The following GDA variants were observed in gnomAD, a reference collection of about 807,000 sequenced individuals.
GDA encodes the protein cytoplasmic PSD-95 interactor.
GDA carries 18 observed loss-of-function variants against 59.6 expected under a neutral mutation model. That is an observed-to-expected ratio of 0.30 (90% CI 0.21 to 0.45). The LOEUF is 0.45. Among genes scored for constraint, GDA ranks in the 20% least tolerant of loss-of-function variants. GDA has a pLI of 1.00. For synonymous variants in GDA, 201 were observed against 201.1 expected (o/e 1.00, Z 0.00); for missense variants, 427 against 552.3 (o/e 0.77, Z 2.27).
intron 7 of GDA, among the ~76,000 whole-genome samples, chr9:72,224,917 A>C (rs1312159717): frequency 6.7e-6 from 1 of 149,690 alleles, no homozygotes; most frequent in Non-Finnish European, 1.5e-5. Context: ...AGCTCTCTTT[A>C]CTCAAATTCC....
In GDA at chr9:72,248,491, A is replaced by G; in HGVS notation, c.*149A>G. The G allele has an allele frequency of 6.9e-7, 1 of 1,447,276 alleles. No individual in the cohort carries two copies. The highest frequency in any genetic ancestry group is 2.5e-5 in the East Asian group (1 of 39,850). The allele number at this position is 1,447,276 out of a possible 1,614,324, so 89.7% of individuals were successfully genotyped here. A position where few individuals can be genotyped will look rare whatever the true frequency, so the allele number is the denominator to read the frequency against. On this transcript the variant is annotated 3_prime_UTR_variant, in exon 14 of 14. Transcript: ENST00000358399. ...TCTAGTTACAGTATTCACTTGACAA[A>G]TAGTTCGAAGGAAGTTGCACTAATT...
intron 3 of GDA, among the ~76,000 whole-genome samples, chr9:72,207,317 C>G (rs890222388): frequency 1.3e-5 from 2 of 152,082 alleles, no homozygotes; most frequent in African/African-American, 4.8e-5. Flanking sequence ...ATTGAAACTT[C>G]TGTTCTGTTT....
At chr9:72,179,619 C>G (rs745405010) in intron 1 of GDA, among the ~76,000 whole-genome samples, 3 of 152,178 alleles carry the variant, frequency 2.0e-5, no homozygotes, top group Non-Finnish European at 2.9e-5. Flanking sequence ...TATGACCCTC[C>G]TCCTATAGGG....
chr9:72,200,029 G>C (rs1175090027), intron 2 of GDA, among the ~76,000 whole-genome samples: 1 of 128,090 alleles, frequency 7.8e-6, no homozygotes, highest in Non-Finnish European at 1.6e-5. Context: ...ATGGAGTCTC[G>C]CTCTGTCACC....
intron 1 of GDA, among the ~76,000 whole-genome samples, chr9:72,169,437 C>A (rs566941665): frequency 3.3e-5 from 5 of 152,186 alleles, no homozygotes; most frequent in African/African-American, 1.2e-4. Context: ...GGAGGAGTGT[C>A]AAGTCACACA....
chr9:72,149,479 G>C lies in GDA; in HGVS notation c.-81G>C. The stretch of plus-strand genomic sequence containing the variant: ...GCCTGTGTCCGCCCGGCAGCCGCCC[G>C]CAGCTGCAGAGAGTCCCGCTGCGTC... On this transcript the variant is annotated 5_prime_UTR_variant, in exon 1 of 14. Coordinates refer to ENST00000358399, the MANE Select transcript of GDA (RefSeq NM_004293.5). 1 of 1,533,588 alleles carries C rather than the reference G, an allele frequency of 6.5e-7. No individual in the cohort carries two copies. Among genetic ancestry groups the C allele is most frequent in the Non-Finnish European group, 8.8e-7 (1 of 1,136,690 alleles). 95.0% of individuals were successfully genotyped at this position (1,533,588 alleles called of 1,614,324 possible). A position where few individuals can be genotyped will look rare whatever the true frequency, so the allele number is the denominator to read the frequency against.
At position 72,194,367 on chromosome 9, in the gene GDA, G is replaced by A. The variant is rs868318759; in HGVS notation, c.124-1133G>A. 1.3e-4 allele frequency among the ~76,000 whole-genome samples: 20 copies of A among 152,214 alleles called. No individual in the cohort carries two copies. In the Middle Eastern group the frequency reaches 0.01, roughly 78 times the overall value. ...CTGAGTCTTTTCCTTCAAGGCATCA[G>A]GTTCCCTTTTGGCCCAAAATATGTC... On this transcript the variant is annotated intron_variant, in intron 1 of 13. Transcript: ENST00000358399.
chr9:72,145,756 T>C (rs1215590014), upstream of GDA, among the ~76,000 whole-genome samples: 1 of 152,240 alleles, frequency 6.6e-6, no homozygotes, highest in African/African-American at 2.4e-5. Flanking sequence ...AATTTTTCTC[T>C]ATGTCTGAAC....
intron 11 of GDA, among the ~76,000 whole-genome samples, chr9:72,242,570 G>A (rs1839734938): frequency 6.6e-6 from 1 of 152,208 alleles, no homozygotes; most frequent in Non-Finnish European, 1.5e-5. Flanking sequence ...CCGAAGCCAA[G>A]ATTATCCTGG....
At chr9:72,134,648 C>T (rs977307202) in intron 1 of GDA, among the ~76,000 whole-genome samples, 1 of 152,204 alleles carries the variant, frequency 6.6e-6, no homozygotes, top group African/African-American at 2.4e-5. Context: ...AGGTGATCCA[C>T]CTGCCTCAGC....
intron 8 of GDA, 39 bp from the exon 9 acceptor site, chr9:72,227,904 G>C (rs777479638): frequency 1.9e-6 from 2 of 1,070,478 alleles, no homozygotes; most frequent in Non-Finnish European, 2.9e-6. Context: ...TTAATCATTT[G>C]TGAGCGGTAA....
chr9:72,122,809 T>A (rs1311968779), intron 1 of GDA, among the ~76,000 whole-genome samples: 1 of 152,138 alleles, frequency 6.6e-6, no homozygotes, highest in Admixed American at 6.5e-5. Flanking sequence ...TTCTATCATT[T>A]CCCTTTTTTG....
chr9:72,208,840 A>G (rs1835029664), intron 3 of GDA, among the ~76,000 whole-genome samples: 1 of 152,192 alleles, frequency 6.6e-6, no homozygotes, highest in Admixed American at 6.5e-5. Context: ...CTAGAACATG[A>G]GCATTGCATT....
At chr9:72,202,479 G>A in intron 2 of GDA, 92 bp from the exon 3 acceptor site, 2 of 837,310 alleles carry the variant, frequency 2.4e-6, no homozygotes, top group South Asian at 1.7e-5. Context: ...TGGGTGAACA[G>A]TGAAATCATG....
At chr9:72,246,340 G>T (rs990789660) in intron 12 of GDA, among the ~76,000 whole-genome samples, 3 of 152,124 alleles carry the variant, frequency 2.0e-5, no homozygotes, top group Non-Finnish European at 2.9e-5. Flanking sequence ...TAGAGACAGG[G>T]TTTCACCATG....
At chr9:72,137,200 ATAAAT>A (rs1482820259) in intron 1 of GDA, among the ~76,000 whole-genome samples, 1 of 69,634 alleles carries the variant, frequency 1.4e-5, no homozygotes, top group African/African-American at 4.9e-5. Flanking sequence ...AAATAAATAA[ATAAAT>A]TAAAAAAAAA....
At chr9:72,135,616 T>C (rs1351821026) in intron 1 of GDA, among the ~76,000 whole-genome samples, 2 of 152,102 alleles carry the variant, frequency 1.3e-5, no homozygotes, top group South Asian at 2.1e-4. Context: ...ATTTCTGTCC[T>C]CGATCAAGCT....
intron 1 of GDA, among the ~76,000 whole-genome samples, chr9:72,149,949 C>G (rs1161875275): frequency 6.6e-6 from 1 of 152,196 alleles, no homozygotes; most frequent in African/African-American, 2.4e-5. Flanking sequence ...GCGGTAGAGC[C>G]GGGAGCAAGG....
chr9:72,221,231 C>T (rs1836817235), intron 6 of GDA, among the ~76,000 whole-genome samples: 1 of 152,166 alleles, frequency 6.6e-6, no homozygotes, highest in Non-Finnish European at 1.5e-5. Context: ...AATCGGCTAT[C>T]ACCTCACTTT....
Sources: allele counts gnomAD v4.1 joint callset (sites outside exome capture counted in the v4.1 genomes callset), GRCh38; gene constraint gnomAD v4.1.1; transcripts MANE v1.5; gene names NCBI Gene and HGNC (gene_info 2026-07-23, HGNC 2026-07-21).